The following SLC14A2 variants were observed in gnomAD, a reference collection of about 807,000 sequenced individuals.
The protein encoded by SLC14A2 is solute carrier family 14 member 2.
SLC14A2 carries 91 observed loss-of-function variants against 104.6 expected under a neutral mutation model. That is an observed-to-expected ratio of 0.87 (90% confidence interval 0.73 to 1.04). SLC14A2 has a LOEUF of 1.04. Ranked by LOEUF, SLC14A2 falls within the 50% of genes least tolerant of loss-of-function variation. The pLI, the probability that SLC14A2 is intolerant of heterozygous loss-of-function variation, is 0.00. For missense variants in SLC14A2, 1,189 were observed against 1,156.0 expected (o/e 1.03, Z -0.41); for synonymous variants, 476 against 466.4 (o/e 1.02, Z -0.27).
chr18:45,212,610 C>A (rs1295653140), upstream of SLC14A2, among the ~76,000 whole-genome samples: 3 of 152,056 alleles, frequency 2.0e-5, no homozygotes, highest in East Asian at 3.9e-4. Context: ...TATATTGATC[C>A]CTTATCTATA....
chr18:45,641,267 C>T lies in SLC14A2; in HGVS notation c.1050C>T (p.Cys350=), dbSNP rs750625541. The T allele has an allele frequency of 1.2e-5, 19 of 1,614,032 alleles. No individual in the cohort carries two copies. Among genetic ancestry groups the T allele is most frequent in the East Asian group, 6.7e-5 (3 of 44,900 alleles). The part of the protein sequence containing the change: ...TIYTGLWSYN[C]VLSCIAIGGM... ...ACACAGGCCTCTGGAGCTACAACTG[C>T]GTCCTCTCCTGCATCGCCATCGGAG... Residue 350 remains cysteine (C), a synonymous_variant, in exon 8 of 20, where the codon TGC becomes TGT. Transcript: ENST00000255226.
rs185818748 is a variant in SLC14A2, at chr18:45,576,753, A to G, written c.-34-47878A>G. Among the ~76,000 whole-genome samples the G allele has an allele frequency of 2.4e-3, 362 of 152,252 alleles. 2 individuals carry two copies. Among genetic ancestry groups the G allele is most frequent in the African/African-American group, 8.3e-3 (344 of 41,562 alleles). On this transcript the variant is annotated intron_variant, in intron 2 of 20. Coordinates refer to the SLC14A2 transcript ENST00000586448. ...TAGCCCGCATTATTCAGATGTGGTG[A>G]GGCCAATGGATCAAGAGACAACTGC... is the stretch of plus-strand genomic sequence containing the variant.
intron 1 of SLC14A2, among the ~76,000 whole-genome samples, chr18:45,300,466 G>A (rs1308731933): frequency 1.3e-5 from 2 of 151,632 alleles, no homozygotes; most frequent in Non-Finnish European, 2.9e-5. Context: ...AGAAGTTGCA[G>A]AATTTCTTTT....
At chr18:45,434,856 T>C (rs931155417) in intron 1 of SLC14A2, among the ~76,000 whole-genome samples, 8 of 152,196 alleles carry the variant, frequency 5.3e-5, no homozygotes, top group African/African-American at 1.9e-4. Flanking sequence ...GCTCTTGTAA[T>C]GTAATGGGTT....
intron 2 of SLC14A2, among the ~76,000 whole-genome samples, chr18:45,542,035 GTTTTTTT>G (rs60977948): frequency 0.033 from 1,803 of 54,136 alleles, 36 homozygotes; most frequent in East Asian, 0.12. Context: ...AAGAGAGAGG[GTTTTTTT>G]TTTTTTTTTT....
intron 2 of SLC14A2, among the ~76,000 whole-genome samples, chr18:45,605,122 T>C (rs750670981): frequency 6.6e-6 from 1 of 152,186 alleles, no homozygotes; most frequent in South Asian, 2.1e-4. Context: ...AGGGCCTGCA[T>C]GAGCAACCAC....
At chr18:45,209,544 TTTTTC>T (rs895351839), upstream of SLC14A2, among the ~76,000 whole-genome samples, 17 of 118,926 alleles carry the variant, frequency 1.4e-4, no homozygotes, top group African/African-American at 4.1e-4. Flanking sequence ...CACCCCTTCC[TTTTTC>T]TTTTTTTTTT....
intron 1 of SLC14A2, among the ~76,000 whole-genome samples, chr18:45,473,229 G>A (rs917579103): frequency 1.3e-5 from 2 of 152,104 alleles, no homozygotes; most frequent in Admixed American, 1.3e-4. Flanking sequence ...CTGTTCCATT[G>A]GTCTATATAT....
At chr18:45,442,570 C>T (rs1452572584) in intron 1 of SLC14A2, among the ~76,000 whole-genome samples, 1 of 152,100 alleles carries the variant, frequency 6.6e-6, no homozygotes, top group African/African-American at 2.4e-5. Flanking sequence ...GGATTAGGAG[C>T]CCACCCTACT....
chr18:45,451,000 G>T (rs1281291271), intron 1 of SLC14A2, among the ~76,000 whole-genome samples: 1 of 152,174 alleles, frequency 6.6e-6, no homozygotes. Context: ...GGGAGCCACG[G>T]TGTTTATACA....
chr18:45,496,155 C>T (rs2043093834), intron 2 of SLC14A2, among the ~76,000 whole-genome samples: 1 of 152,200 alleles, frequency 6.6e-6, no homozygotes, highest in Non-Finnish European at 1.5e-5. Context: ...TGTGAACAAA[C>T]TCAATTCTTA....
chr18:45,587,468 C>T (rs1366307612), intron 2 of SLC14A2, among the ~76,000 whole-genome samples: 9 of 152,180 alleles, frequency 5.9e-5, no homozygotes. Flanking sequence ...GTCCTCTTGT[C>T]TATTTTTTAT....
intron 1 of SLC14A2, among the ~76,000 whole-genome samples, chr18:45,323,358 G>A (rs985011877): frequency 6.6e-6 from 1 of 152,154 alleles, no homozygotes. Flanking sequence ...CCACCATTGT[G>A]TTAAACATCA....
intron 1 of SLC14A2, among the ~76,000 whole-genome samples, chr18:45,403,076 G>T (rs1174955140): frequency 1.3e-5 from 2 of 152,186 alleles, no homozygotes; most frequent in Non-Finnish European, 2.9e-5. Flanking sequence ...CAGTTCTGAG[G>T]CTGGAAATCC....
At chr18:45,599,902 G>A (rs919281368) in intron 2 of SLC14A2, among the ~76,000 whole-genome samples, 4 of 152,144 alleles carry the variant, frequency 2.6e-5, no homozygotes, top group African/African-American at 4.8e-5. Flanking sequence ...CAGATCTCGT[G>A]AGACTTATTC....
chr18:45,172,796 TA>T, the SLC14A2 span, among the ~76,000 whole-genome samples: 1 of 152,118 alleles, frequency 6.6e-6, no homozygotes, highest in South Asian at 2.1e-4. Context: ...AGTCAATTCA[TA>T]AAATGTAATA....
chr18:45,558,650 T>TG (rs11443239), intron 2 of SLC14A2, among the ~76,000 whole-genome samples: 64,856 of 151,996 alleles, frequency 0.43, 14,088 homozygotes, highest in African/African-American at 0.51. Context: ...CAAAGTCAGG[T>TG]TGGGTCACCT....
chr18:45,183,177 G>A, the SLC14A2 span, among the ~76,000 whole-genome samples: 32 of 152,218 alleles, frequency 2.1e-4, no homozygotes, highest in African/African-American at 5.3e-4. Context: ...TTGAGAGGTC[G>A]TCTTTCAGTG....
chr18:45,335,168 C>T (rs2085326796), intron 1 of SLC14A2, among the ~76,000 whole-genome samples: 2 of 152,094 alleles, frequency 1.3e-5, no homozygotes, highest in South Asian at 4.2e-4. Flanking sequence ...TCCATCCTTC[C>T]TACTCCTTTT....
Sources: allele counts gnomAD v4.1 joint callset (sites outside exome capture counted in the v4.1 genomes callset), GRCh38; gene constraint gnomAD v4.1.1; transcripts MANE v1.5; gene names NCBI Gene and HGNC (gene_info 2026-07-23, HGNC 2026-07-21).